Variants in BMP7 observed in about 807,000 individuals in gnomAD.
BMP7 encodes osteogenic protein 1.
BMP7 carries 12 observed loss-of-function variants against 41.2 expected under a neutral mutation model. The observed-to-expected ratio is 0.29, with a 90% CI of 0.19 to 0.47. The LOEUF (loss-of-function observed/expected upper bound fraction) is 0.47. Ranked by LOEUF, BMP7 falls within the 20% of genes least tolerant of loss-of-function variation. The probability of loss-of-function intolerance (pLI) is 0.99; values close to 1 mark genes in which losing one functional copy is unlikely to be tolerated. For synonymous variants in BMP7, 248 were observed against 250.0 expected (o/e 0.99, Z 0.07); for missense variants, 467 against 606.0 (o/e 0.77, Z 2.41).
intron 4 of BMP7, among the ~76,000 whole-genome samples, chr20:57,182,077 C>A (rs1258565271): frequency 2.0e-5 from 3 of 152,180 alleles, no homozygotes; most frequent in Non-Finnish European, 4.4e-5. Flanking sequence ...GGATGGGGAG[C>A]AAACTGGGCT....
chr20:57,252,127 GAGTGAATGCGTA>G (rs141940244), intron 1 of BMP7, among the ~76,000 whole-genome samples: 3,934 of 152,314 alleles, frequency 0.026, 170 homozygotes, highest in African/African-American at 0.089. Flanking sequence ...AAAGCAGTCA[GAGTGAATGCGTA>G]AGTGGATAGA....
At chr20:57,206,327 C>T (rs377377433) in intron 2 of BMP7, among the ~76,000 whole-genome samples, 47 of 152,202 alleles carry the variant, frequency 3.1e-4, no homozygotes, top group African/African-American at 9.9e-4. Flanking sequence ...TGAATCTCCC[C>T]GCCAGCCCTA....
intron 3 of BMP7, among the ~76,000 whole-genome samples, chr20:57,189,023 A>G (rs1984287970): frequency 6.6e-6 from 1 of 152,158 alleles, no homozygotes; most frequent in African/African-American, 2.4e-5. Context: ...AACTAGGGTC[A>G]AAGCTCCCCA....
chr20:57,224,660 G>A lies in BMP7; in HGVS notation c.611+3569C>T, dbSNP rs576646142. 4.7e-4 allele frequency: 72 copies of A among 152,398 alleles called. No individual in the cohort carries two copies. Among genetic ancestry groups the A allele is most frequent in the African/African-American group, 1.6e-3 (68 of 41,582 alleles). The allele number at this position is 152,398 out of a possible 1,614,324, so 9.4% of individuals were successfully genotyped here. On this transcript the variant is annotated intron_variant, in intron 2 of 6. Coordinates refer to ENST00000395863, the MANE Select transcript of BMP7 (RefSeq NM_001719.3). The surrounding 1 kb of genome is among the most constrained non-coding windows in gnomAD (Gnocchi z 4.8). ...CAGGCCCCAGCTGGCCTGGCCTCAG[G>A]CCTGGGGTTCAGAAAATGAGGATAA... is the stretch of plus-strand genomic sequence containing the variant.
At chr20:57,193,587 C>T (rs1277534433) in intron 3 of BMP7, among the ~76,000 whole-genome samples, 2 of 152,238 alleles carry the variant, frequency 1.3e-5, no homozygotes, top group African/African-American at 4.8e-5. Flanking sequence ...TTCCAACCTG[C>T]ACAATACCTT....
Position 57,174,926 on chromosome 20 carries a change from C to A in BMP7, c.1035+5G>T. ...CACCCAAGACAGACCCAGCCAGCCC[C>A]TTACCTGCCAGCCCAGGTCTCGGAA... On this transcript the variant is annotated splice_donor_5th_base_variant and intron_variant, in intron 5 of 6. Transcript: ENST00000395863. The surrounding 1 kb of genome is among the most constrained non-coding windows in gnomAD (Gnocchi z 4.3). The A allele has an allele frequency of 6.2e-7, 1 of 1,610,540 alleles. No individual in the cohort carries two copies. Among genetic ancestry groups the A allele is most frequent in the East Asian group, 2.2e-5 (1 of 44,786 alleles).
chr20:57,220,949 C>G (rs1001772763), intron 2 of BMP7, among the ~76,000 whole-genome samples: 1 of 152,172 alleles, frequency 6.6e-6, no homozygotes, highest in Non-Finnish European at 1.5e-5. Flanking sequence ...GTTGTACATG[C>G]GCTCAGGCAC....
At chr20:57,212,622 C>T (rs978638643) in intron 2 of BMP7, among the ~76,000 whole-genome samples, 5 of 152,228 alleles carry the variant, frequency 3.3e-5, no homozygotes, top group South Asian at 2.1e-4. Flanking sequence ...AGCGAGCCAG[C>T]GAGCATGGCC....
At chr20:57,239,900 C>T (rs1182764621) in intron 1 of BMP7, among the ~76,000 whole-genome samples, 1 of 152,196 alleles carries the variant, frequency 6.6e-6, no homozygotes, top group Non-Finnish European at 1.5e-5. Context: ...AGCAGGGGGA[C>T]CCAGAGACTG....
intron 5 of BMP7, 70 bp from the exon 6 acceptor site, chr20:57,173,380 G>A: frequency 2.7e-6 from 4 of 1,470,388 alleles, no homozygotes; most frequent in Non-Finnish European, 3.8e-6. Flanking sequence ...CCCCCATGCT[G>A]GCCAGAAACC....
chr20:57,243,252 A>G lies in BMP7; in HGVS notation c.419-14831T>C, dbSNP rs1441536884. Among the ~76,000 whole-genome samples the G allele has an allele frequency of 3.9e-5, 6 of 152,242 alleles. No individual in the cohort carries two copies. In the East Asian group the frequency reaches 1.2e-3, roughly 30 times the overall value. ...ATAATCCCAGCACTTTGGGAGGTCGAGGCAGGTGTATCACTTGAGTCCGGG... is the reference window on the plus strand; with the variant it reads ...ATAATCCCAGCACTTTGGGAGGTCGGGGCAGGTGTATCACTTGAGTCCGGG... On this transcript the variant is annotated intron_variant, in intron 1 of 6. Transcript: ENST00000395863.
chr20:57,196,152 T>C (rs752304666), intron 3 of BMP7, among the ~76,000 whole-genome samples: 4 of 152,108 alleles, frequency 2.6e-5, no homozygotes, highest in Non-Finnish European at 4.4e-5. Flanking sequence ...TGCAGTCCCT[T>C]TCTTGGGACA....
intron 4 of BMP7, among the ~76,000 whole-genome samples, chr20:57,179,054 T>C (rs3787380): frequency 0.35 from 52,839 of 152,064 alleles, 9,950 homozygotes; most frequent in South Asian, 0.56. Context: ...CGAGCACAGC[T>C]CATGAAGCTA....
chr20:57,223,264 C>T (rs1239158488), intron 2 of BMP7, among the ~76,000 whole-genome samples: 2 of 151,988 alleles, frequency 1.3e-5, no homozygotes, highest in African/African-American at 4.8e-5. Flanking sequence ...TTTCCTTCCT[C>T]TTGGGCATGT....
In BMP7 at chr20:57,174,039, C is replaced by A. The variant is rs542516667; in HGVS notation, c.1036-729G>T. 5.6e-4 allele frequency among the ~76,000 whole-genome samples: 85 copies of A among 152,266 alleles called. 3 individuals are homozygous for A. The South Asian group carries it at 0.017, about 30-fold the overall frequency. ...GGCCCCTGGAGTTTGGGTTCTGTCCCAGCTGCAGGTGGATGTGGTCATCAG... is the reference window on the plus strand; with the variant it reads ...GGCCCCTGGAGTTTGGGTTCTGTCCAAGCTGCAGGTGGATGTGGTCATCAG... On this transcript the variant is annotated intron_variant, in intron 5 of 6. Coordinates refer to ENST00000395863, the MANE Select transcript of BMP7 (RefSeq NM_001719.3). The surrounding 1 kb of genome is among the most constrained non-coding windows in gnomAD (Gnocchi z 4.3).
At chr20:57,186,926 T>C (rs1984226408) in intron 3 of BMP7, 1 of 152,208 alleles carries the variant, frequency 6.6e-6, no homozygotes, top group Non-Finnish European at 1.5e-5. Context: ...CCATCTATAA[T>C]TTGAATGGTT....
intron 3 of BMP7, among the ~76,000 whole-genome samples, chr20:57,192,349 T>C (rs1045910182): frequency 2.1e-5 from 3 of 144,240 alleles, no homozygotes; most frequent in African/African-American, 7.6e-5. Flanking sequence ...ATTTTTTATG[T>C]GTATATATAT....
chr20:57,209,249 T>TATATATATATATA (rs1555814048), intron 2 of BMP7, among the ~76,000 whole-genome samples: 39 of 94,864 alleles, frequency 4.1e-4, no homozygotes, highest in Non-Finnish European at 5.8e-4. Flanking sequence ...TTATATATTT[T>TATATATATATATA]TATATATATA....
At chr20:57,187,927 C>T (rs559121928) in intron 3 of BMP7, among the ~76,000 whole-genome samples, 1 of 152,102 alleles carries the variant, frequency 6.6e-6, no homozygotes, top group Non-Finnish European at 1.5e-5. Flanking sequence ...CCCTTTGTCA[C>T]CAAGTTTGGA....
Sources: allele counts gnomAD v4.1 joint callset (sites outside exome capture counted in the v4.1 genomes callset), GRCh38; gene constraint gnomAD v4.1.1; non-coding constraint Gnocchi (gnomAD v3.1); transcripts MANE v1.5; gene names NCBI Gene and HGNC (gene_info 2026-07-23, HGNC 2026-07-21).